SFXN5: variants seen among roughly 807,000 people sequenced by gnomAD.
SFXN5 encodes the protein sideroflexin 5, also known as sideroflexin-5.
SFXN5 carries 43 observed loss-of-function variants against 50.2 expected under a neutral mutation model. The observed-to-expected ratio is 0.86, with a 90% CI of 0.67 to 1.11. SFXN5 has a LOEUF of 1.11. Among genes scored for constraint, SFXN5 ranks in the 50% least tolerant of loss-of-function variants. The probability of loss-of-function intolerance (pLI) is 0.00; values close to 1 mark genes in which losing one functional copy is unlikely to be tolerated. For missense variants in SFXN5, 463 were observed against 454.1 expected, an observed-to-expected ratio of 1.02 and a Z score of -0.18; for synonymous variants, 203 against 185.8, an observed-to-expected ratio of 1.09 and a Z score of -0.75.
In SFXN5 at chr2:73,071,667, AGCC is replaced by A. The variant is rs776506297; in HGVS notation, c.36_38del (p.Ala13del). On this transcript the variant is annotated inframe_deletion, in exon 1 of 14. Transcript: ENST00000272433. ...CATCGCTCGAGGCGCTAGCGGCACTAGCCGCCGCCGCCGATGCTGTAGTCGCTG... is the reference window on the plus strand; with the variant it reads ...CATCGCTCGAGGCGCTAGCGGCACTAGCCGCCGCCGATGCTGTAGTCGCTG... The A allele has an allele frequency of 1.6e-5, 25 of 1,611,184 alleles. No homozygotes were observed. The highest frequency in any genetic ancestry group is 6.7e-5 in the Admixed American group (4 of 59,870).
intron 10 of SFXN5, among the ~76,000 whole-genome samples, chr2:72,979,750 G>A (rs1163769362): frequency 1.3e-5 from 2 of 152,122 alleles, no homozygotes; most frequent in Non-Finnish European, 2.9e-5. Flanking sequence ...TTGACTGTGA[G>A]GTTAAAAAGC....
intron 11 of SFXN5, 127 bp downstream of exon 11, chr2:72,971,440 TGAG>T: frequency 1.7e-6 from 1 of 599,274 alleles, no homozygotes; most frequent in Non-Finnish European, 3.0e-6. Context: ...GGGGGTGGGG[TGAG>T]GAGGAGACAT....
intron 9 of SFXN5, 71 bp downstream of exon 9, chr2:72,998,878 C>A (rs367572461): frequency 6.6e-7 from 1 of 1,525,558 alleles, no homozygotes; most frequent in East Asian, 2.3e-5. Flanking sequence ...AGACAAGCAT[C>A]CACCTGCAAT....
intron 6 of SFXN5, 130 bp from the exon 7 acceptor site, chr2:73,001,708 C>A: frequency 8.1e-6 from 7 of 868,128 alleles, no homozygotes; most frequent in Non-Finnish European, 1.3e-5. Flanking sequence ...CGTGTACATA[C>A]AAACTGAGGT....
At chr2:73,041,144 T>C (rs933203103) in intron 2 of SFXN5, among the ~76,000 whole-genome samples, 1 of 152,248 alleles carries the variant, frequency 6.6e-6, no homozygotes, top group Non-Finnish European at 1.5e-5. Flanking sequence ...TGTGCTTCCA[T>C]GGTCATCTCC....
chr2:72,987,513 T>C (rs896464041), intron 10 of SFXN5, among the ~76,000 whole-genome samples: 1 of 151,930 alleles, frequency 6.6e-6, no homozygotes, highest in Non-Finnish European at 1.5e-5. Flanking sequence ...ATCCCAGCAC[T>C]TTGGGAGGGT....
chr2:72,947,058 T>C (rs1672027168), intron 13 of SFXN5, among the ~76,000 whole-genome samples: 1 of 152,194 alleles, frequency 6.6e-6, no homozygotes, highest in South Asian at 2.1e-4. Context: ...TCATCTTTCG[T>C]GTCTCAGCTT....
intron 1 of SFXN5, among the ~76,000 whole-genome samples, chr2:73,062,061 G>T (rs1426351769): frequency 1.3e-5 from 2 of 152,182 alleles, no homozygotes; most frequent in African/African-American, 4.8e-5. Context: ...AGGCTGCAGT[G>T]AGCTATGATC....
chr2:73,037,640 G>A (rs556402365), intron 3 of SFXN5, among the ~76,000 whole-genome samples: 2 of 152,118 alleles, frequency 1.3e-5, no homozygotes, highest in Non-Finnish European at 2.9e-5. Flanking sequence ...TCCAAAGAAA[G>A]AAAACAGACC....
chr2:72,958,511 G>C (rs1237363607), intron 13 of SFXN5, among the ~76,000 whole-genome samples: 4 of 152,148 alleles, frequency 2.6e-5, no homozygotes, highest in Non-Finnish European at 5.9e-5. Flanking sequence ...TATTTTCTTT[G>C]CCCTGGGTCC....
At position 72,945,010 on chromosome 2, in the gene SFXN5, C is replaced by A. The variant is rs199606638; in HGVS notation, c.*12G>T. 1 of 1,612,744 alleles carries A rather than the reference C, an allele frequency of 6.2e-7. No homozygotes were observed. Among genetic ancestry groups the A allele is most frequent in the Non-Finnish European group, 8.5e-7 (1 of 1,179,292 alleles). ...GCTGCACAGTGCTCCGTCCCCAGGC[C>A]GCTGACCACACTCACAACCCCTTGT... is the stretch of plus-strand genomic sequence containing the variant. On this transcript the variant is annotated 3_prime_UTR_variant, in exon 14 of 14. Transcript: ENST00000272433. This position sits in a 1 kb window ranked among gnomAD's most constrained non-coding sequence, Gnocchi z 5.8.
chr2:72,957,194 AT>A, intron 13 of SFXN5: 3 of 414,816 alleles, frequency 7.2e-6, no homozygotes, highest in South Asian at 5.2e-5. Context: ...CCCCAGAGCC[AT>A]CTGACTGTCT....
At chr2:72,991,184 C>A (rs757233776) in intron 9 of SFXN5, among the ~76,000 whole-genome samples, 20 of 152,246 alleles carry the variant, frequency 1.3e-4, no homozygotes, top group Non-Finnish European at 2.4e-4. Flanking sequence ...AAGCCTCCCC[C>A]TCCCTGGTCG....
Position 73,062,986 on chromosome 2 carries a change from A to G in SFXN5, c.103-4390T>C, listed in dbSNP as rs572895743. On this transcript the variant is annotated intron_variant, in intron 1 of 13. Coordinates refer to ENST00000272433, the MANE Select transcript of SFXN5 (RefSeq NM_144579.3). ...ACCGAGGATCTACTGTGTGCCCAGC[A>G]CTGTGCTAGGTCCTGGAGGTAGCAA... Among the ~76,000 whole-genome samples, 52 of 152,298 alleles carry G rather than the reference A, an allele frequency of 3.4e-4. No individual in the cohort carries two copies. In the South Asian group the frequency reaches 0.011, roughly 32 times the overall value.
intron 2 of SFXN5, among the ~76,000 whole-genome samples, chr2:73,046,948 C>T (rs548543160): frequency 1.3e-4 from 20 of 150,564 alleles, no homozygotes; most frequent in African/African-American, 4.6e-4. Context: ...AATCTTGGGC[C>T]GGGTGCGGTG....
Position 73,040,849 on chromosome 2 carries a change from G to GTTACC in SFXN5, c.249_249+4dup. ...TGGCCATGCTCCCACCTCCCACAGAGTTACCTGTTCATTGGTGACCCCCGG... is the reference window on the plus strand; with the variant it reads ...TGGCCATGCTCCCACCTCCCACAGAGTTACCTTACCTGTTCATTGGTGACCCCCGG... On this transcript the variant is annotated splice_donor_region_variant and intron_variant, in intron 3 of 13. Coordinates refer to ENST00000272433, the MANE Select transcript of SFXN5 (RefSeq NM_144579.3). The GTTACC allele has an allele frequency of 6.2e-7, 1 of 1,608,660 alleles. No individual in the cohort carries two copies.
intron 1 of SFXN5, among the ~76,000 whole-genome samples, chr2:73,060,584 T>C (rs1682685325): frequency 6.6e-6 from 1 of 152,092 alleles, no homozygotes; most frequent in Non-Finnish European, 1.5e-5. Context: ...CTCAAGAGCA[T>C]TACTGAGACA....
chr2:72,971,530 T>C (rs1180058974), intron 11 of SFXN5, 40 bp downstream of exon 11: 1 of 1,466,354 alleles, frequency 6.8e-7, no homozygotes, highest in Non-Finnish European at 9.5e-7. Context: ...TCCCCTCCCC[T>C]GTTGCTGGCC....
At chr2:73,024,354 T>TA (rs1408095810) in intron 3 of SFXN5, among the ~76,000 whole-genome samples, 2 of 151,972 alleles carry the variant, frequency 1.3e-5, no homozygotes, top group African/African-American at 4.8e-5. Context: ...ACATGGCAAA[T>TA]AAAAATTTAC....
Sources: gnomAD v4.1 joint callset for allele counts (sites outside exome capture counted in the v4.1 genomes callset) on GRCh38, gnomAD v4.1.1 for gene constraint, Gnocchi (gnomAD v3.1) non-coding constraint, MANE v1.5 for transcripts, NCBI Gene and HGNC (gene_info 2026-07-23, HGNC 2026-07-21) for gene names.